Variants in EIPR1 observed in about 807,000 individuals in gnomAD.
The protein encoded by EIPR1 is EARP complex and GARP complex interacting protein 1.
Under a neutral mutation model 48.1 loss-of-function variants are expected in EIPR1, and 25 were observed. The ratio of observed to expected loss-of-function variants is 0.52; its 90% CI spans 0.38 to 0.73. The LOEUF is 0.73. Among genes scored for constraint, EIPR1 ranks in the 30% least tolerant of loss-of-function variants. The pLI is 0.00. For missense variants in EIPR1, 415 were observed against 506.2 expected, an observed-to-expected ratio of 0.82 and a Z score of 1.73; for synonymous variants, 204 against 201.9, an observed-to-expected ratio of 1.01 and a Z score of -0.09.
chr2:3,279,015 T>G (rs1315238500), intron 3 of EIPR1, among the ~76,000 whole-genome samples: 1 of 152,222 alleles, frequency 6.6e-6, no homozygotes, highest in Non-Finnish European at 1.5e-5. Context: ...CAGTGACATC[T>G]GCTTGACATC....
At chr2:3,192,899 G>A (rs1664660555) in intron 7 of EIPR1, among the ~76,000 whole-genome samples, 1 of 151,220 alleles carries the variant, frequency 6.6e-6, no homozygotes, top group Non-Finnish European at 1.5e-5. Flanking sequence ...TGTCCCAGAA[G>A]CAACATGTGG....
chr2:3,214,317 G>A (rs1432922979), intron 4 of EIPR1, 69 bp from the exon 5 acceptor site: 2 of 1,387,650 alleles, frequency 1.4e-6, no homozygotes, highest in Non-Finnish European at 2.0e-6. Flanking sequence ...GGTAAGAGCT[G>A]TGATACATGT....
intron 5 of EIPR1, among the ~76,000 whole-genome samples, chr2:3,211,786 CG>C (rs1403586962): frequency 3.9e-5 from 6 of 152,304 alleles, no homozygotes; most frequent in African/African-American, 1.4e-4. Flanking sequence ...CTTCTCGCTC[CG>C]CCACTGTCGG....
rs572412951 is a variant in EIPR1, at chr2:3,287,141, C to T, written c.260-29686G>A. Reference sequence around the variant, plus strand: ...TGCAGCACCAAGCTCGTTCACCACGCTCTAGAAAACTCATTCAACATGTTC... The same window carrying T: ...TGCAGCACCAAGCTCGTTCACCACGTTCTAGAAAACTCATTCAACATGTTC... On this transcript the variant is annotated intron_variant, in intron 3 of 8. Transcript: ENST00000382125. Among the ~76,000 whole-genome samples, 6 of 152,292 alleles carry T rather than the reference C, an allele frequency of 3.9e-5. No homozygotes were observed. The South Asian group carries it at 1.2e-3, about 32-fold the overall frequency.
chr2:3,195,983 T>G (rs1361197190), intron 6 of EIPR1, among the ~76,000 whole-genome samples: 1 of 152,146 alleles, frequency 6.6e-6, no homozygotes, highest in East Asian at 1.9e-4. Flanking sequence ...CTTCACATCC[T>G]TCAAAAAACC....
At chr2:3,373,265 G>A (rs1234582393) in intron 1 of EIPR1, among the ~76,000 whole-genome samples, 4 of 149,698 alleles carry the variant, frequency 2.7e-5, no homozygotes, top group Non-Finnish European at 4.5e-5. Context: ...CAAACCCACA[G>A]CCAATATCAT....
intron 3 of EIPR1, among the ~76,000 whole-genome samples, chr2:3,330,433 GTT>G (rs1365148699): frequency 6.6e-6 from 1 of 152,192 alleles, no homozygotes; most frequent in East Asian, 1.9e-4. Context: ...GGTGCCCTCT[GTT>G]GATTGAGAGG....
At chr2:3,266,374 T>A (rs1296889915) in intron 3 of EIPR1, among the ~76,000 whole-genome samples, 1 of 152,248 alleles carries the variant, frequency 6.6e-6, no homozygotes, top group Non-Finnish European at 1.5e-5. Context: ...GGCGCTCACC[T>A]GATGCAGGTA....
chr2:3,268,333 T>C (rs1176015292), intron 3 of EIPR1, among the ~76,000 whole-genome samples: 3 of 152,182 alleles, frequency 2.0e-5, no homozygotes, highest in Non-Finnish European at 4.4e-5. Context: ...CAGCATGCCA[T>C]CAGCTGTGAC....
rs377086547 is a variant in EIPR1 at position 3,235,462 on chromosome 2, A to ACCC, written c.417-21217_417-21215dup. Among the ~76,000 whole-genome samples the ACCC allele has an allele frequency of 4.6e-5, 7 of 151,650 alleles. No homozygotes were observed. The East Asian group carries it at 9.7e-4, about 21-fold the overall frequency. On this transcript the variant is annotated intron_variant, in intron 4 of 8. Coordinates refer to ENST00000382125, the MANE Select transcript of EIPR1 (RefSeq NM_003310.5). ...CACGCGTGCGCGCACACACACACACACCCCCCAATAGCCAGAGCTCTCAGC... is the reference window on the plus strand; with the variant it reads ...CACGCGTGCGCGCACACACACACACACCCCCCCCCAATAGCCAGAGCTCTCAGC...
At chr2:3,232,559 T>C (rs1433893293) in intron 4 of EIPR1, among the ~76,000 whole-genome samples, 1 of 152,242 alleles carries the variant, frequency 6.6e-6, no homozygotes, top group African/African-American at 2.4e-5. Context: ...TGGTCTCTTT[T>C]TAGTTATTTT....
chr2:3,302,127 G>A (rs976278087), intron 3 of EIPR1, among the ~76,000 whole-genome samples: 3 of 152,278 alleles, frequency 2.0e-5, no homozygotes, highest in African/African-American at 4.8e-5. Context: ...CTCCCTCAGC[G>A]ACTTGGGGTT....
intron 3 of EIPR1, among the ~76,000 whole-genome samples, chr2:3,298,129 T>C (rs2103289084): frequency 6.6e-6 from 1 of 152,368 alleles, no homozygotes; most frequent in East Asian, 1.9e-4. Flanking sequence ...CTATTTATTG[T>C]ATTTTCCCTT....
rs1256613746 is a variant in EIPR1, at chr2:3,336,977, GGGAAGGGAAAGGAAGAA to G, written c.259+1023_259+1039del. ...AGAGAAAAGGGAAAGGAAGGGAAAA[GGGAAGGGAAAGGAAGAA>G]GGAAGGGAAAGGGAAGGGAAAAGGG... On this transcript the variant is annotated intron_variant, in intron 3 of 8. Transcript: ENST00000382125. Among the ~76,000 whole-genome samples the G allele has an allele frequency of 5.0e-5, 5 of 99,868 alleles. 1 individual carries two copies. Among genetic ancestry groups the G allele is most frequent in the Admixed American group, 3.0e-4 (3 of 10,122 alleles). The allele number at this position is 99,868 out of a possible 152,430, so 65.5% of individuals were successfully genotyped here.
chr2:3,311,108 T>C (rs911340299), intron 3 of EIPR1, among the ~76,000 whole-genome samples: 2 of 152,130 alleles, frequency 1.3e-5, no homozygotes, highest in Admixed American at 6.5e-5. Flanking sequence ...GAAGAGTGCT[T>C]TGAAAACTGG....
At chr2:3,319,481 A>G (rs1669424253) in intron 3 of EIPR1, 1 of 163,376 alleles carries the variant, frequency 6.1e-6, no homozygotes, top group Non-Finnish European at 1.3e-5. Flanking sequence ...CATGTATAAA[A>G]TAAGGATGAT....
chr2:3,224,193 G>A (rs899623935), intron 4 of EIPR1, among the ~76,000 whole-genome samples: 1 of 152,094 alleles, frequency 6.6e-6, no homozygotes, highest in Non-Finnish European at 1.5e-5. Context: ...ATCTCGGCCT[G>A]TATTTGCCGT....
intron 1 of EIPR1, among the ~76,000 whole-genome samples, chr2:3,364,803 C>CTGA: frequency 6.6e-6 from 1 of 152,192 alleles, no homozygotes; most frequent in Admixed American, 6.5e-5. Flanking sequence ...ATGGAGTAGA[C>CTGA]TGATGGTCAC....
intron 4 of EIPR1, among the ~76,000 whole-genome samples, chr2:3,242,020 C>A (rs1241997577): frequency 6.6e-6 from 1 of 152,156 alleles, no homozygotes; most frequent in Non-Finnish European, 1.5e-5. Flanking sequence ...TGCCTCCTAG[C>A]CCCGCCGTCA....
Sources: allele counts gnomAD v4.1 joint callset (sites outside exome capture counted in the v4.1 genomes callset), GRCh38; gene constraint gnomAD v4.1.1; transcripts MANE v1.5; gene names NCBI Gene and HGNC (gene_info 2026-07-23, HGNC 2026-07-21).